SPIRE1: variants seen among roughly 807,000 people sequenced by gnomAD.
The protein encoded by SPIRE1 is protein spire homolog 1.
In SPIRE1, 40 loss-of-function variants were observed where a neutral mutation model predicts 94.1. The ratio of observed to expected loss-of-function variants is 0.43; its 90% CI spans 0.33 to 0.55. The LOEUF is 0.55. Ranked by LOEUF, SPIRE1 falls within the 20% of genes least tolerant of loss-of-function variation. SPIRE1 has a pLI of 0.06. For synonymous variants in SPIRE1, 376 were observed against 371.7 expected (o/e 1.01, Z -0.13); for missense variants, 838 against 975.2 (o/e 0.86, Z 1.87).
chr18:12,574,127 T>C (rs1212656889), intron 2 of SPIRE1, among the ~76,000 whole-genome samples: 1 of 152,254 alleles, frequency 6.6e-6, no homozygotes. Context: ...ACGTACTGCA[T>C]TAATGCAAGA....
At chr18:12,615,001 C>A (rs1159883257) in intron 2 of SPIRE1, among the ~76,000 whole-genome samples, 3 of 150,654 alleles carry the variant, frequency 2.0e-5, no homozygotes, top group African/African-American at 7.3e-5. Context: ...CCAGGCTGGG[C>A]AACATGGTGA....
At chr18:12,497,304 T>C (rs2033493396) in intron 6 of SPIRE1, among the ~76,000 whole-genome samples, 1 of 152,178 alleles carries the variant, frequency 6.6e-6, no homozygotes, top group African/African-American at 2.4e-5. Flanking sequence ...AAACAATTTT[T>C]TTTAGAAATT....
At chr18:12,512,088 G>T (rs2034050512) in intron 5 of SPIRE1, among the ~76,000 whole-genome samples, 1 of 152,056 alleles carries the variant, frequency 6.6e-6, no homozygotes, top group Admixed American at 6.6e-5. Context: ...ATACAGGTTG[G>T]GCAAGGTGGC....
At chr18:12,469,337 G>C (rs991152347) in intron 10 of SPIRE1, among the ~76,000 whole-genome samples, 2 of 151,336 alleles carry the variant, frequency 1.3e-5, no homozygotes, top group Non-Finnish European at 2.9e-5. Flanking sequence ...CTAGTAGCTG[G>C]GATTATTGGC....
chr18:12,510,103 A>C (rs1312853508), intron 5 of SPIRE1, among the ~76,000 whole-genome samples: 3 of 151,836 alleles, frequency 2.0e-5, no homozygotes, highest in Non-Finnish European at 4.4e-5. Context: ...AAAAAAACTA[A>C]AAAAACAGTA....
chr18:12,645,812 C>T lies in SPIRE1; in HGVS notation c.338-10716G>A, dbSNP rs554422218. ...CCTGTACAGACTATAAATACACACT[C>T]GACCATGTGGCTGGCACAAAGTCCT... On this transcript the variant is annotated intron_variant, in intron 1 of 16. Coordinates refer to ENST00000409402, the MANE Select transcript of SPIRE1 (RefSeq NM_001128626.2). 9.2e-5 allele frequency among the ~76,000 whole-genome samples: 14 copies of T among 152,206 alleles called. No individual in the cohort carries two copies. The South Asian group carries it at 2.5e-3, about 27-fold the overall frequency.
chr18:12,456,704 G>A (rs959931843), intron 12 of SPIRE1, among the ~76,000 whole-genome samples: 4 of 152,118 alleles, frequency 2.6e-5, no homozygotes, highest in African/African-American at 9.7e-5. Context: ...GTAGGGATAC[G>A]CTAGCATGGC....
At chr18:12,626,886 A>ATATATATATATATATATATATATT (rs55915333) in intron 2 of SPIRE1, among the ~76,000 whole-genome samples, 11 of 111,894 alleles carry the variant, frequency 9.8e-5, no homozygotes, top group Non-Finnish European at 1.7e-4. Flanking sequence ...ATATATATAT[A>ATATATATATATATATATATATATT]TTTTTTTTTT....
intron 4 of SPIRE1, among the ~76,000 whole-genome samples, chr18:12,533,613 G>C (rs140268182): frequency 2.0e-5 from 3 of 152,248 alleles, no homozygotes; most frequent in Non-Finnish European, 2.9e-5. Context: ...TAGTTTCTAA[G>C]AATGCCAGTG....
chr18:12,609,044 G>A (rs1446748521), intron 2 of SPIRE1, among the ~76,000 whole-genome samples: 1 of 152,020 alleles, frequency 6.6e-6, no homozygotes, highest in African/African-American at 2.4e-5. Flanking sequence ...TTCTCCTAAG[G>A]AGCACACAAC....
At chr18:12,662,059 C>T (rs182115744), upstream of SPIRE1, 515 of 364,364 alleles carry the variant, frequency 1.4e-3, 1 homozygote, top group African/African-American at 0.011. Context: ...ATGCTTCATA[C>T]TCTGGAGGTA....
At chr18:12,491,010 T>C (rs1477493625) in intron 8 of SPIRE1, among the ~76,000 whole-genome samples, 1 of 152,110 alleles carries the variant, frequency 6.6e-6, no homozygotes, top group Non-Finnish European at 1.5e-5. Flanking sequence ...GATGACATGA[T>C]CTTACAGATA....
chr18:12,564,700 G>C (rs866840131), intron 2 of SPIRE1, among the ~76,000 whole-genome samples: 1 of 152,086 alleles, frequency 6.6e-6, no homozygotes, highest in South Asian at 2.1e-4. Flanking sequence ...GGGAACCAGC[G>C]CCAGGGTGGG....
At chr18:12,553,932 CA>C (rs1386283152) in intron 2 of SPIRE1, among the ~76,000 whole-genome samples, 8 of 152,004 alleles carry the variant, frequency 5.3e-5, no homozygotes, top group Non-Finnish European at 7.4e-5. Context: ...ATAAAATTGA[CA>C]AACCTTTAGC....
At chr18:12,648,249 A>T (rs937809983) in intron 1 of SPIRE1, among the ~76,000 whole-genome samples, 5 of 152,162 alleles carry the variant, frequency 3.3e-5, no homozygotes, top group Non-Finnish European at 7.3e-5. Context: ...ACAACATATT[A>T]AAAAAAGGTA....
At chr18:12,597,983 G>A (rs2036725855) in intron 2 of SPIRE1, among the ~76,000 whole-genome samples, 1 of 152,206 alleles carries the variant, frequency 6.6e-6, no homozygotes, top group African/African-American at 2.4e-5. Flanking sequence ...GGCCAGGGAC[G>A]CATGTGCAGA....
chr18:12,449,549 A>C lies in SPIRE1; in HGVS notation c.*89T>G. On this transcript the variant is annotated 3_prime_UTR_variant, in exon 17 of 17. Transcript: ENST00000409402. ...TAATGCAAATTCAAGCCCATTAAAT[A>C]AAACCACAGAAAGGAGAGCCAGCCC... 3 of 1,355,406 alleles carry C rather than the reference A, an allele frequency of 2.2e-6. No individual in the cohort carries two copies. Among genetic ancestry groups the C allele is most frequent in the Non-Finnish European group, 3.0e-6 (3 of 1,000,768 alleles). 84.0% of individuals were successfully genotyped at this position (1,355,406 alleles called of 1,614,324 possible).
intron 1 of SPIRE1, among the ~76,000 whole-genome samples, chr18:12,642,367 C>A (rs1417133024): frequency 6.6e-6 from 1 of 152,106 alleles, no homozygotes; most frequent in Non-Finnish European, 1.5e-5. Flanking sequence ...TTGACATAGA[C>A]TACACTTTGC....
At chr18:12,651,336 A>G (rs888645886) in intron 1 of SPIRE1, among the ~76,000 whole-genome samples, 2 of 152,132 alleles carry the variant, frequency 1.3e-5, no homozygotes, top group African/African-American at 2.4e-5. Context: ...AATGATCAGG[A>G]TGGGAACACA....
Sources: gnomAD v4.1 joint callset for allele counts (sites outside exome capture counted in the v4.1 genomes callset) on GRCh38, gnomAD v4.1.1 for gene constraint, MANE v1.5 for transcripts, NCBI Gene and HGNC (gene_info 2026-07-23, HGNC 2026-07-21) for gene names.